CAMK1D: variants seen among roughly 807,000 people sequenced by gnomAD.
CAMK1D encodes calcium/calmodulin-dependent protein kinase type 1D.
Under a neutral mutation model 47.7 loss-of-function variants are expected in CAMK1D, and 9 were observed. The observed-to-expected ratio is 0.19, with a 90% CI of 0.11 to 0.33. CAMK1D has a LOEUF of 0.33. Ranked by LOEUF, CAMK1D falls within the 10% of genes least tolerant of loss-of-function variation. CAMK1D has a pLI of 1.00. For missense variants in CAMK1D, 291 were observed against 488.7 expected (o/e 0.60, Z 3.81); for synonymous variants, 184 against 184.9 (o/e 0.99, Z 0.04).
chr10:12,828,730 C>A, intron 10 of CAMK1D, 39 bp from the exon 11 acceptor site: 1 of 1,545,856 alleles, frequency 6.5e-7, no homozygotes. Context: ...GAGAATTTAC[C>A]TCTGAAACTC....
intron 3 of CAMK1D, among the ~76,000 whole-genome samples, chr10:12,724,330 A>G (rs1410178670): frequency 1.3e-5 from 2 of 152,150 alleles, no homozygotes; most frequent in Non-Finnish European, 2.9e-5. Context: ...TAACAAAGTG[A>G]GGAAAATGGC....
intron 1 of CAMK1D, among the ~76,000 whole-genome samples, chr10:12,400,320 C>T (rs901332461): frequency 7.9e-5 from 12 of 152,074 alleles, no homozygotes; most frequent in Non-Finnish European, 1.2e-4. Flanking sequence ...GTGCCTTTGC[C>T]GTTTAAACTT....
At chr10:12,461,161 C>A (rs1833410285) in intron 1 of CAMK1D, among the ~76,000 whole-genome samples, 1 of 152,144 alleles carries the variant, frequency 6.6e-6, no homozygotes, top group Non-Finnish European at 1.5e-5. Flanking sequence ...AGTGAGACAA[C>A]CCTGCCAGAG....
At chr10:12,453,196 T>TG (rs1337568566) in intron 1 of CAMK1D, among the ~76,000 whole-genome samples, 1 of 148,876 alleles carries the variant, frequency 6.7e-6, no homozygotes, top group Non-Finnish European at 1.5e-5. Context: ...CTTTTTTCTT[T>TG]TTTTTTTTTT....
At chr10:12,674,205 G>GT (rs983877300) in intron 3 of CAMK1D, among the ~76,000 whole-genome samples, 41 of 152,342 alleles carry the variant, frequency 2.7e-4, no homozygotes, top group Middle Eastern at 3.4e-3. Context: ...CTCCCAAAGT[G>GT]TTGGGATATG....
intron 3 of CAMK1D, among the ~76,000 whole-genome samples, chr10:12,690,473 G>A (rs1441540687): frequency 1.3e-5 from 2 of 152,148 alleles, no homozygotes. Flanking sequence ...GTAGATTTGG[G>A]AGAAATCTGT....
chr10:12,827,323 T>TCTTTTTCTTTCTTC (rs1491582180), intron 10 of CAMK1D, among the ~76,000 whole-genome samples: 1 of 97,230 alleles, frequency 1.0e-5, no homozygotes, highest in African/African-American at 3.5e-5. Flanking sequence ...TTTCTTTCTT[T>TCTTTTTCTTTCTTC]CTCTCTCTTC....
At chr10:12,641,888 T>C (rs1002114758) in intron 2 of CAMK1D, among the ~76,000 whole-genome samples, 10 of 151,696 alleles carry the variant, frequency 6.6e-5, no homozygotes, top group South Asian at 2.1e-4. Context: ...CTACTAAAAA[T>C]ACAAAAATTA....
chr10:12,412,732 T>C (rs765747004), intron 1 of CAMK1D, among the ~76,000 whole-genome samples: 9 of 146,000 alleles, frequency 6.2e-5, no homozygotes, highest in Non-Finnish European at 1.2e-4. Context: ...CAGGTGTCCA[T>C]TAAAAAGGAA....
At chr10:12,512,913 G>A (rs1252371409) in intron 1 of CAMK1D, among the ~76,000 whole-genome samples, 1 of 152,198 alleles carries the variant, frequency 6.6e-6, no homozygotes, top group Non-Finnish European at 1.5e-5. Context: ...ACCGGAGCGA[G>A]CATACTTTGT....
chr10:12,523,350 G>A (rs930012911), intron 1 of CAMK1D, among the ~76,000 whole-genome samples: 3 of 152,112 alleles, frequency 2.0e-5, no homozygotes, highest in African/African-American at 2.4e-5. Flanking sequence ...GGTGGTGGCC[G>A]GGCAGAGGCT....
At chr10:12,803,514 T>C (rs1161864634) in intron 6 of CAMK1D, among the ~76,000 whole-genome samples, 1 of 152,014 alleles carries the variant, frequency 6.6e-6, no homozygotes, top group Non-Finnish European at 1.5e-5. Context: ...AAACCCCATC[T>C]CTACTAAAAA....
intron 1 of CAMK1D, among the ~76,000 whole-genome samples, chr10:12,381,187 G>A (rs1231451980): frequency 6.6e-6 from 1 of 152,166 alleles, no homozygotes; most frequent in Non-Finnish European, 1.5e-5. Flanking sequence ...CAGTGACAGC[G>A]GGCCCCGCCC....
chr10:12,588,889 C>CGCGT (rs1554793287), intron 2 of CAMK1D, among the ~76,000 whole-genome samples: 4 of 147,240 alleles, frequency 2.7e-5, no homozygotes, highest in South Asian at 2.1e-4. Flanking sequence ...TGTGTGCGTG[C>CGCGT]GTGTGTGTGT....
intron 3 of CAMK1D, among the ~76,000 whole-genome samples, chr10:12,686,180 C>T (rs1476690099): frequency 6.6e-6 from 1 of 152,160 alleles, no homozygotes; most frequent in Non-Finnish European, 1.5e-5. Context: ...TTGACAGTCC[C>T]ATCATCTGTG....
At position 12,581,072 on chromosome 10, in the gene CAMK1D, T is replaced by C. The variant is rs118021899; in HGVS notation, c.224+27716T>C. Among the ~76,000 whole-genome samples the C allele has an allele frequency of 4.6e-3, 698 of 152,152 alleles. 2 individuals carry two copies. The highest frequency in any genetic ancestry group is 6.8e-3 in the Middle Eastern group (2 of 294). On this transcript the variant is annotated intron_variant, in intron 2 of 10. Coordinates refer to ENST00000619168, the MANE Select transcript of CAMK1D (RefSeq NM_153498.4). ...CTTTCCCCCAAGTCTCCAGAGTCCA[T>C]TGTGTCATTCTTATGCCTTTGCATC... is the stretch of plus-strand genomic sequence containing the variant.
intron 2 of CAMK1D, among the ~76,000 whole-genome samples, chr10:12,606,892 GTCTCAGCTCA>G (rs1838478116): frequency 6.6e-6 from 1 of 151,948 alleles, no homozygotes; most frequent in Admixed American, 6.6e-5. Flanking sequence ...CCGTGGCGCA[GTCTCAGCTCA>G]CTGCAACCTC....
intron 2 of CAMK1D, among the ~76,000 whole-genome samples, chr10:12,648,576 T>C (rs1839874653): frequency 6.6e-6 from 1 of 152,328 alleles, no homozygotes; most frequent in East Asian, 1.9e-4. Flanking sequence ...ATTCAAGCGA[T>C]TCTTCTGCCT....
chr10:12,816,553 C>T (rs117550999), intron 8 of CAMK1D, among the ~76,000 whole-genome samples: 34 of 152,090 alleles, frequency 2.2e-4, no homozygotes, highest in East Asian at 1.4e-3. Flanking sequence ...TATGTGTATT[C>T]GTCCTTTTTC....
Sources: allele counts gnomAD v4.1 joint callset (sites outside exome capture counted in the v4.1 genomes callset), GRCh38; gene constraint gnomAD v4.1.1; transcripts MANE v1.5; gene names NCBI Gene and HGNC (gene_info 2026-07-23, HGNC 2026-07-21).